ZBTB20: variants seen among roughly 807,000 people sequenced by gnomAD.
ZBTB20 encodes the protein zinc finger and BTB domain containing 20, also known as zinc finger and BTB domain-containing protein 20.
Under a neutral mutation model 56.9 loss-of-function variants are expected in ZBTB20, and 9 were observed. That is an observed-to-expected ratio of 0.16 (90% CI 0.10 to 0.28). The LOEUF (loss-of-function observed/expected upper bound fraction) is 0.28, where lower values mean the gene tolerates loss of function less well. Among genes scored for constraint, ZBTB20 ranks in the 10% least tolerant of loss-of-function variants. The probability of loss-of-function intolerance (pLI) is 1.00; values close to 1 mark genes in which losing one functional copy is unlikely to be tolerated. For missense variants in ZBTB20, 655 were observed against 1,003.0 expected, an observed-to-expected ratio of 0.65 and a Z score of 4.69; for synonymous variants, 417 against 420.7, an observed-to-expected ratio of 0.99 and a Z score of 0.11.
At chr3:114,995,323 T>C (rs1004221366) in intron 2 of ZBTB20, among the ~76,000 whole-genome samples, 5 of 151,926 alleles carry the variant, frequency 3.3e-5, no homozygotes, top group South Asian at 2.1e-4. Flanking sequence ...TGCCTTATTA[T>C]ACTTTTGAAA....
chr3:114,502,173 C>A (rs1393645300), intron 6 of ZBTB20, among the ~76,000 whole-genome samples: 1 of 152,136 alleles, frequency 6.6e-6, no homozygotes, highest in Non-Finnish European at 1.5e-5. Flanking sequence ...TTCAATCTTG[C>A]CTCTCTGACA....
chr3:114,582,662 G>A (rs1055093560), intron 6 of ZBTB20, among the ~76,000 whole-genome samples: 6 of 152,166 alleles, frequency 3.9e-5, no homozygotes, highest in Admixed American at 2.0e-4. Context: ...TTATAGGCGT[G>A]AGCCACCATG....
intron 4 of ZBTB20, among the ~76,000 whole-genome samples, chr3:114,866,391 T>A (rs1043344763): frequency 1.3e-5 from 2 of 152,144 alleles, no homozygotes; most frequent in African/African-American, 2.4e-5. Flanking sequence ...TTAAATTTGG[T>A]GATAATAACC....
intron 3 of ZBTB20, among the ~76,000 whole-genome samples, chr3:114,952,371 C>G (rs964012035): frequency 1.3e-5 from 2 of 152,028 alleles, no homozygotes; most frequent in African/African-American, 2.4e-5. Context: ...TTGTTAGATG[C>G]TAGCATCATG....
chr3:114,947,557 G>A (rs1355342606), intron 3 of ZBTB20, among the ~76,000 whole-genome samples: 1 of 145,942 alleles, frequency 6.9e-6, no homozygotes, highest in Non-Finnish European at 1.5e-5. Flanking sequence ...CTCAGAAACA[G>A]AGACAAATGT....
chr3:114,522,661 G>A (rs2046776533), intron 6 of ZBTB20, among the ~76,000 whole-genome samples: 2 of 152,162 alleles, frequency 1.3e-5, no homozygotes, highest in Non-Finnish European at 1.5e-5. Context: ...TGGTGATGAG[G>A]ATGAGGAGTG....
At chr3:115,088,759 T>C (rs1175194757) in intron 1 of ZBTB20, among the ~76,000 whole-genome samples, 1 of 151,794 alleles carries the variant, frequency 6.6e-6, no homozygotes, top group Non-Finnish European at 1.5e-5. Context: ...TTTTTAGATG[T>C]TATGAAGCAC....
At chr3:115,139,827 G>A (rs2084760201) in intron 1 of ZBTB20, among the ~76,000 whole-genome samples, 1 of 151,996 alleles carries the variant, frequency 6.6e-6, no homozygotes, top group Non-Finnish European at 1.5e-5. Context: ...ACCTTCCTGA[G>A]TTAAGATGAG....
At chr3:114,544,402 ATTTCTTCTTTCTTTCTTTCTTTC>A (rs1374984165) in intron 6 of ZBTB20, among the ~76,000 whole-genome samples, 3 of 146,966 alleles carry the variant, frequency 2.0e-5, no homozygotes, top group Non-Finnish European at 4.5e-5. Context: ...TAAAAACTAG[ATTTCTTCTTTCTTTCTTTCTTTC>A]TTTCTTTCTT....
intron 5 of ZBTB20, among the ~76,000 whole-genome samples, chr3:114,697,755 G>A (rs749714132): frequency 7.3e-5 from 11 of 151,210 alleles, no homozygotes; most frequent in South Asian, 4.2e-4. Flanking sequence ...GAGGGAGGGA[G>A]GAAAAAGAGA....
At position 115,097,462 on chromosome 3, in the gene ZBTB20, A is replaced by T. The variant is rs187762837; in HGVS notation, c.-702-26048T>A. Among the ~76,000 whole-genome samples the T allele has an allele frequency of 6.0e-3, 911 of 151,962 alleles. 10 individuals carry two copies. The highest frequency in any genetic ancestry group is 0.02 in the African/African-American group (815 of 41,430). Reference sequence around the variant, plus strand: ...CTCCCAAAGTGCCCTATTTTTTTTAAAAAAAATCTACTGTTTGGTCCTTTT... The same window carrying T: ...CTCCCAAAGTGCCCTATTTTTTTTATAAAAAATCTACTGTTTGGTCCTTTT... On this transcript the variant is annotated intron_variant, in intron 1 of 11. Transcript: ENST00000675478.
At chr3:114,682,637 G>GT (rs1481075106) in intron 6 of ZBTB20, among the ~76,000 whole-genome samples, 2 of 152,140 alleles carry the variant, frequency 1.3e-5, no homozygotes, top group Non-Finnish European at 2.9e-5. Flanking sequence ...TGTAAATGTG[G>GT]TATCAATCAC....
chr3:114,430,100 A>G (rs1011756333), intron 7 of ZBTB20, among the ~76,000 whole-genome samples: 2 of 152,240 alleles, frequency 1.3e-5, no homozygotes, highest in African/African-American at 4.8e-5. Flanking sequence ...AACCTAATGA[A>G]TACAATTAGT....
chr3:114,333,098 A>T lies in ZBTB20; in HGVS notation c.*5907T>A, dbSNP rs973059741. On this transcript the variant is annotated 3_prime_UTR_variant, in exon 12 of 12. Transcript: ENST00000675478. The stretch of plus-strand genomic sequence containing the variant: ...AGGAGAAAAAAATCTTCAGAGACTT[A>T]GAAAACTCTTTGCAATATTTTGGTC... The T allele has an allele frequency of 1.3e-5, 2 of 152,194 alleles. No homozygotes were observed. The highest frequency in any genetic ancestry group is 3.8e-4 in the East Asian group (2 of 5,208). The allele number at this position is 152,194 out of a possible 1,614,324, so 9.4% of individuals were successfully genotyped here.
intron 4 of ZBTB20, among the ~76,000 whole-genome samples, chr3:114,894,025 A>G (rs1390438202): frequency 6.6e-6 from 1 of 152,206 alleles, no homozygotes; most frequent in African/African-American, 2.4e-5. Flanking sequence ...CACAAGTCCT[A>G]ATGACAACAA....
Position 114,329,400 on chromosome 3 carries a change from TC to T in ZBTB20, c.*9604del, listed in dbSNP as rs1382823034. ...GGAAAAGTTTATTCAACTGAGGCTT[TC>T]CATGCATTGGGTTGAATAGCTGAGG... On this transcript the variant is annotated 3_prime_UTR_variant, in exon 12 of 12. Transcript: ENST00000675478. The T allele has an allele frequency of 1.3e-5, 2 of 152,174 alleles. No individual in the cohort carries two copies. Among genetic ancestry groups the T allele is most frequent in the African/African-American group, 4.8e-5 (2 of 41,448 alleles). 9.4% of individuals were successfully genotyped at this position (152,174 alleles called of 1,614,324 possible). A position where few individuals can be genotyped will look rare whatever the true frequency, so the allele number is the denominator to read the frequency against.
intron 1 of ZBTB20, among the ~76,000 whole-genome samples, chr3:115,101,378 A>G (rs2083577161): frequency 6.6e-6 from 1 of 152,172 alleles, no homozygotes; most frequent in East Asian, 1.9e-4. Context: ...TTCCAAAATT[A>G]TGATGTTATT....
chr3:114,907,577 T>A (rs1250381849), intron 3 of ZBTB20, among the ~76,000 whole-genome samples: 1 of 152,014 alleles, frequency 6.6e-6, no homozygotes, highest in East Asian at 1.9e-4. Context: ...ATAGCCTTTG[T>A]CAATCAGAGG....
chr3:114,927,990 C>T (rs1194381027), intron 3 of ZBTB20, among the ~76,000 whole-genome samples: 1 of 152,164 alleles, frequency 6.6e-6, no homozygotes, highest in Admixed American at 6.5e-5. Context: ...GAAAAACACC[C>T]TCAATTAACT....
Sources: allele counts gnomAD v4.1 joint callset (sites outside exome capture counted in the v4.1 genomes callset), GRCh38; gene constraint gnomAD v4.1.1; transcripts MANE v1.5; gene names NCBI Gene and HGNC (gene_info 2026-07-23, HGNC 2026-07-21).